Variants in GLIS1 observed in about 807,000 individuals in gnomAD.
GLIS1 encodes GLIS family zinc finger 1.
Under a neutral mutation model 63.8 loss-of-function variants are expected in GLIS1, and 24 were observed. The ratio of observed to expected loss-of-function variants is 0.38; its 90% CI spans 0.27 to 0.53. The LOEUF (loss-of-function observed/expected upper bound fraction) is 0.53. Ranked by LOEUF, GLIS1 falls within the 20% of genes least tolerant of loss-of-function variation. The probability of loss-of-function intolerance (pLI) is 0.85; values close to 1 mark genes in which losing one functional copy is unlikely to be tolerated. For missense variants in GLIS1, 1,036 were observed against 1,074.1 expected (o/e 0.96, Z 0.50); for synonymous variants, 450 against 482.5 (o/e 0.93, Z 0.88).
intron 4 of GLIS1, among the ~76,000 whole-genome samples, chr1:53,593,173 G>A (rs1213797086): frequency 2.6e-5 from 4 of 152,356 alleles, no homozygotes; most frequent in East Asian, 3.9e-4. Flanking sequence ...ATGGCTGGGC[G>A]GGCTGGGCAG....
At chr1:53,711,652 C>T (rs1039739695) in intron 2 of GLIS1, among the ~76,000 whole-genome samples, 2 of 152,274 alleles carry the variant, frequency 1.3e-5, no homozygotes, top group East Asian at 1.9e-4. Flanking sequence ...GTCAGTTAAA[C>T]GGAGATCACA....
intron 2 of GLIS1, among the ~76,000 whole-genome samples, chr1:53,709,417 C>CATATATAT (rs879357045): frequency 0.6 from 72,780 of 121,542 alleles, 22,571 homozygotes; most frequent in Non-Finnish European, 0.68. Flanking sequence ...TATATACACA[C>CATATATAT]ACACACACAC....
chr1:53,605,734 A>G (rs1428747473), intron 2 of GLIS1, among the ~76,000 whole-genome samples: 1 of 152,126 alleles, frequency 6.6e-6, no homozygotes, highest in Non-Finnish European at 1.5e-5. Flanking sequence ...TGAAGGGAAA[A>G]CAGGGGCCCG....
intron 4 of GLIS1, among the ~76,000 whole-genome samples, chr1:53,553,535 G>A (rs921359047): frequency 5.9e-5 from 9 of 152,190 alleles, no homozygotes; most frequent in African/African-American, 1.9e-4. Context: ...CTCACCTGCC[G>A]GTGGGTTGAC....
At chr1:53,685,452 G>A (rs538872164) in intron 2 of GLIS1, among the ~76,000 whole-genome samples, 1 of 152,170 alleles carries the variant, frequency 6.6e-6, no homozygotes, top group Non-Finnish European at 1.5e-5. Context: ...TGACCTCCTC[G>A]GCAATGTTTA....
intron 2 of GLIS1, among the ~76,000 whole-genome samples, chr1:53,717,866 C>G (rs1225614835): frequency 6.6e-6 from 1 of 152,078 alleles, no homozygotes. Flanking sequence ...AGCAGGTGCT[C>G]AACAAAAATG....
At chr1:53,650,089 TA>T (rs1415721593) in intron 2 of GLIS1, among the ~76,000 whole-genome samples, 2 of 152,084 alleles carry the variant, frequency 1.3e-5, no homozygotes, top group Non-Finnish European at 2.9e-5. Context: ...GGAGACAAGA[TA>T]GGGGCAGTAC....
chr1:53,546,575 G>A (rs1644701348), intron 4 of GLIS1, among the ~76,000 whole-genome samples: 2 of 145,240 alleles, frequency 1.4e-5, no homozygotes, highest in Admixed American at 7.1e-5. Flanking sequence ...TTATTGCAAC[G>A]ACTACATGAG....
chr1:53,645,385 C>T (rs1645833519), intron 2 of GLIS1, among the ~76,000 whole-genome samples: 1 of 152,196 alleles, frequency 6.6e-6, no homozygotes, highest in Non-Finnish European at 1.5e-5. Context: ...TCTCTACCCA[C>T]TAGAAGACAG....
intron 4 of GLIS1, among the ~76,000 whole-genome samples, chr1:53,542,500 G>A (rs989044928): frequency 6.6e-6 from 1 of 152,192 alleles, no homozygotes; most frequent in East Asian, 1.9e-4. Context: ...AAACAAATGA[G>A]CCTTGAGGGA....
Position 53,627,122 on chromosome 1 carries a change from T to C in GLIS1, c.260-26844A>G, listed in dbSNP as rs139530961. The stretch of plus-strand genomic sequence containing the variant: ...GAGAACTATACAGCCCCAGTTAGCA[T>C]GAATCTCGAACAAGGCATTACCTGA... On this transcript the variant is annotated intron_variant, in intron 2 of 10. Coordinates refer to ENST00000628545, the MANE Select transcript of GLIS1 (RefSeq NM_001367484.1). Among the ~76,000 whole-genome samples, 19 of 152,242 alleles carry C rather than the reference T, an allele frequency of 1.2e-4. No homozygotes were observed. In the East Asian group the frequency reaches 2.7e-3, roughly 22 times the overall value.
intron 4 of GLIS1, among the ~76,000 whole-genome samples, chr1:53,584,465 T>C (rs886408746): frequency 2.6e-5 from 4 of 152,214 alleles, no homozygotes; most frequent in Admixed American, 6.5e-5. Flanking sequence ...CCAGCTCTCA[T>C]GACATCCTGA....
chr1:53,635,458 C>T (rs1263351343), intron 2 of GLIS1, among the ~76,000 whole-genome samples: 2 of 151,708 alleles, frequency 1.3e-5, no homozygotes, highest in Non-Finnish European at 2.9e-5. Context: ...CTATCATATT[C>T]CCTAAGAAAA....
At chr1:53,730,289 C>T (rs1646847268) in intron 2 of GLIS1, among the ~76,000 whole-genome samples, 2 of 152,186 alleles carry the variant, frequency 1.3e-5, no homozygotes, top group Middle Eastern at 3.4e-3. Context: ...CAACCTCTGC[C>T]GGCACGTGTA....
intron 4 of GLIS1, among the ~76,000 whole-genome samples, chr1:53,577,596 G>C (rs75305244): frequency 0.037 from 5,678 of 152,282 alleles, 355 homozygotes; most frequent in African/African-American, 0.13. Context: ...AGGGCAGCCA[G>C]GCCTGGCCAG....
At chr1:53,670,869 T>C (rs1032894775) in intron 2 of GLIS1, among the ~76,000 whole-genome samples, 2 of 152,222 alleles carry the variant, frequency 1.3e-5, no homozygotes, top group Admixed American at 6.5e-5. Context: ...ACGTTACTAT[T>C]TGCCATAGCG....
chr1:53,620,291 C>A (rs1322748162), intron 2 of GLIS1, among the ~76,000 whole-genome samples: 1 of 152,210 alleles, frequency 6.6e-6, no homozygotes. Flanking sequence ...AGTGCCCCAG[C>A]ATCTTGTCTT....
chr1:53,692,919 C>T (rs1373265127), intron 2 of GLIS1, among the ~76,000 whole-genome samples: 2 of 152,240 alleles, frequency 1.3e-5, no homozygotes, highest in Admixed American at 6.5e-5. Context: ...GGACTGGCCT[C>T]TCTGTCAATG....
chr1:53,540,220 C>A (rs1444420991), intron 4 of GLIS1, among the ~76,000 whole-genome samples: 1 of 152,238 alleles, frequency 6.6e-6, no homozygotes, highest in African/African-American at 2.4e-5. Flanking sequence ...GCCCACACAG[C>A]CAAGCGGAGA....
Sources: allele counts gnomAD v4.1 joint callset (sites outside exome capture counted in the v4.1 genomes callset), GRCh38; gene constraint gnomAD v4.1.1; transcripts MANE v1.5; gene names NCBI Gene and HGNC (gene_info 2026-07-23, HGNC 2026-07-21).